The following ALPK2 variants were observed in gnomAD, a reference collection of about 807,000 sequenced individuals.
The protein encoded by ALPK2 is alpha kinase 2.
A neutral mutation model predicts 163.1 loss-of-function variants in ALPK2; 127 were observed. The observed-to-expected ratio is 0.78, with a 90% confidence interval of 0.67 to 0.90. ALPK2 has a LOEUF of 0.90. ALPK2 is among the 40% of genes least tolerant of loss of function. The pLI is 0.00. For missense variants in ALPK2, 2,360 were observed against 2,589.6 expected (o/e 0.91, Z 1.92); for synonymous variants, 953 against 959.1 (o/e 0.99, Z 0.12).
rs1407371172 is a variant in ALPK2, at chr18:58,517,028, G to A, written c.5820C>T (p.His1940=). ...HRKAFRSTVM[H]GLMPVFKPGH... ...CAGGTTTGAAGACAGGCATGAGGCC[G>A]TGCATCACTGTGCTGCGGAAGGCTT... The change falls in exon 9 of 13, where the codon CAC becomes CAT. Residue 1940 remains histidine (H), a synonymous_variant. Coordinates refer to ENST00000361673, the MANE Select transcript of ALPK2 (RefSeq NM_052947.4). The A allele has an allele frequency of 8.7e-6, 14 of 1,614,100 alleles. No individual in the cohort carries two copies. Among genetic ancestry groups the A allele is most frequent in the East Asian group, 4.5e-5 (2 of 44,902 alleles).
intron 12 of ALPK2, among the ~76,000 whole-genome samples, chr18:58,489,706 T>C (rs902963527): frequency 2.0e-5 from 3 of 152,002 alleles, no homozygotes; most frequent in Non-Finnish European, 2.9e-5. Flanking sequence ...ATAATAATAA[T>C]AATATCTTTC....
At chr18:58,593,137 G>C (rs1163174461) in intron 3 of ALPK2, among the ~76,000 whole-genome samples, 1 of 152,206 alleles carries the variant, frequency 6.6e-6, no homozygotes, top group Non-Finnish European at 1.5e-5. Context: ...GACTTGGGGT[G>C]ATGATATGTC....
intron 4 of ALPK2, among the ~76,000 whole-genome samples, chr18:58,563,986 T>A (rs1224937328): frequency 1.3e-5 from 2 of 152,164 alleles, no homozygotes; most frequent in Non-Finnish European, 2.9e-5. Flanking sequence ...TTCCATACAG[T>A]CTTATTAGCA....
chr18:58,501,886 A>C, intron 11 of ALPK2, among the ~76,000 whole-genome samples: 1 of 152,192 alleles, frequency 6.6e-6, no homozygotes, highest in Non-Finnish European at 1.5e-5. Flanking sequence ...TGCCAATGTC[A>C]ATCTCTTGGT....
At chr18:58,501,201 A>G (rs1159710588) in intron 11 of ALPK2, among the ~76,000 whole-genome samples, 1 of 152,238 alleles carries the variant, frequency 6.6e-6, no homozygotes, top group Non-Finnish European at 1.5e-5. Context: ...GAGAGATGTG[A>G]TATTCCATTA....
intron 12 of ALPK2, among the ~76,000 whole-genome samples, chr18:58,490,827 C>T (rs995539021): frequency 1.3e-5 from 2 of 152,020 alleles, no homozygotes; most frequent in African/African-American, 2.4e-5. Flanking sequence ...ACAGGAGTCC[C>T]GAAGAAGAGA....
chr18:58,581,191 G>A (rs1165410503), intron 3 of ALPK2, among the ~76,000 whole-genome samples: 2 of 152,038 alleles, frequency 1.3e-5, no homozygotes, highest in Non-Finnish European at 2.9e-5. Context: ...CATTTTTCTA[G>A]AGTGAGACAT....
intron 1 of ALPK2, among the ~76,000 whole-genome samples, chr18:58,628,021 T>C (rs1470986943): frequency 1.3e-5 from 2 of 152,226 alleles, no homozygotes; most frequent in Non-Finnish European, 2.9e-5. Context: ...TATCTATTTT[T>C]AAATGATTGC....
chr18:58,570,177 C>T (rs997334699), intron 4 of ALPK2, among the ~76,000 whole-genome samples: 13 of 151,596 alleles, frequency 8.6e-5, no homozygotes, highest in African/African-American at 3.1e-4. Flanking sequence ...TTCCCATCAT[C>T]GGCTAAGATC....
intron 2 of ALPK2, among the ~76,000 whole-genome samples, chr18:58,608,498 T>A (rs1218488366): frequency 6.6e-6 from 1 of 152,222 alleles, no homozygotes; most frequent in African/African-American, 2.4e-5. Context: ...TTCATGTCAC[T>A]GAAAATATGT....
chr18:58,580,080 G>C lies in ALPK2; in HGVS notation c.696C>G (p.His232Gln), dbSNP rs200129061. 6.8e-6 allele frequency: 11 copies of C among 1,614,278 alleles called. No homozygotes were observed. The East Asian group carries it at 2.2e-4, about 33-fold the overall frequency. The stretch of plus-strand genomic sequence containing the variant: ...TTGATGCCATGGAATGCACTGTCTT[G>C]TGGCAACATCTGTCTTGTTTTTCAT... ...HIYEKQDRCC[H>Q]KTVHSMASKF... The change falls in exon 4 of 13, where the codon CAC (histidine) becomes CAG (glutamine). Residue 232 changes from histidine (H) to glutamine (Q), a missense_variant. His to Gln is a conservative substitution (Grantham distance 24, BLOSUM62 0). Transcript: ENST00000361673.
At chr18:58,541,785 C>A (rs1025053309) in intron 4 of ALPK2, among the ~76,000 whole-genome samples, 1 of 152,050 alleles carries the variant, frequency 6.6e-6, no homozygotes, top group Non-Finnish European at 1.5e-5. Flanking sequence ...TGAAGTGAAG[C>A]CTTTAACAGC....
chr18:58,607,839 A>G (rs929439281), intron 2 of ALPK2, among the ~76,000 whole-genome samples: 1 of 152,226 alleles, frequency 6.6e-6, no homozygotes, highest in Non-Finnish European at 1.5e-5. Context: ...TCACTCAATG[A>G]TAACTACTGA....
intron 4 of ALPK2, among the ~76,000 whole-genome samples, chr18:58,575,516 G>A (rs1327632252): frequency 6.6e-6 from 1 of 152,160 alleles, no homozygotes; most frequent in African/African-American, 2.4e-5. Flanking sequence ...CTCCCTCTGG[G>A]GCGAACCTGG....
chr18:58,598,558 C>T (rs1333300493), intron 3 of ALPK2, among the ~76,000 whole-genome samples: 2 of 152,148 alleles, frequency 1.3e-5, no homozygotes, highest in East Asian at 3.9e-4. Context: ...ATAGGCTGGG[C>T]TGGTCAGGAC....
chr18:58,490,839 C>A (rs1272625584), intron 12 of ALPK2, among the ~76,000 whole-genome samples: 1 of 152,134 alleles, frequency 6.6e-6, no homozygotes, highest in African/African-American at 2.4e-5. Context: ...AAGAAGAGAG[C>A]TCAGAGAAGA....
chr18:58,532,657 G>A (rs1006556054), intron 5 of ALPK2, among the ~76,000 whole-genome samples: 1 of 152,182 alleles, frequency 6.6e-6, no homozygotes, highest in Admixed American at 6.5e-5. Context: ...CTGAGCATAA[G>A]CATTGCCTCA....
intron 11 of ALPK2, among the ~76,000 whole-genome samples, chr18:58,503,592 T>C (rs2051444992): frequency 6.6e-6 from 1 of 152,158 alleles, no homozygotes; most frequent in Non-Finnish European, 1.5e-5. Flanking sequence ...TCAGCTACTC[T>C]GGAGGCTGAG....
chr18:58,608,677 G>A (rs2052110772), intron 2 of ALPK2, among the ~76,000 whole-genome samples: 1 of 152,186 alleles, frequency 6.6e-6, no homozygotes, highest in Admixed American at 6.5e-5. Context: ...GCCAGGCATG[G>A]TGGTTCACGC....
Sources: allele counts gnomAD v4.1 joint callset (sites outside exome capture counted in the v4.1 genomes callset), GRCh38; gene constraint gnomAD v4.1.1; transcripts MANE v1.5; gene names NCBI Gene and HGNC (gene_info 2026-07-23, HGNC 2026-07-21).